Variants in TENM2 observed in about 807,000 individuals in gnomAD.
TENM2 encodes the protein teneurin-2.
TENM2 carries 52 observed loss-of-function variants against 245.2 expected under a neutral mutation model. The ratio of observed to expected loss-of-function variants is 0.21; its 90% CI spans 0.17 to 0.27. TENM2 has a LOEUF of 0.27. Ranked by LOEUF, TENM2 falls within the 10% of genes least tolerant of loss-of-function variation. The probability of loss-of-function intolerance (pLI) is 1.00; values close to 1 mark genes in which losing one functional copy is unlikely to be tolerated. For synonymous variants in TENM2, 1,363 were observed against 1,438.9 expected, an observed-to-expected ratio of 0.95 and a Z score of 1.19; for missense variants, 3,046 against 3,666.8, an observed-to-expected ratio of 0.83 and a Z score of 4.37.
intron 6 of TENM2, among the ~76,000 whole-genome samples, chr5:168,050,117 G>A (rs1388769537): frequency 1.3e-5 from 2 of 152,134 alleles, no homozygotes; most frequent in Admixed American, 6.5e-5. Context: ...CAGACAAAAT[G>A]TTTGCCAAAT....
intron 10 of TENM2, among the ~76,000 whole-genome samples, chr5:168,120,360 T>TAA: frequency 6.6e-6 from 1 of 152,308 alleles, no homozygotes; most frequent in East Asian, 1.9e-4. Context: ...TTCTTAAAGA[T>TAA]AAATGGATTG....
At chr5:168,248,660 G>A (rs982810495) in intron 27 of TENM2, among the ~76,000 whole-genome samples, 7 of 152,232 alleles carry the variant, frequency 4.6e-5, no homozygotes, top group Admixed American at 2.0e-4. Flanking sequence ...AAGAAGCGGG[G>A]AGAGAATAGG....
At chr5:167,230,257 A>G in the TENM2 span, among the ~76,000 whole-genome samples, 1 of 152,168 alleles carries the variant, frequency 6.6e-6, no homozygotes, top group Non-Finnish European at 1.5e-5. Context: ...GACTAGGATT[A>G]TAGGAGTCTG....
intron 2 of TENM2, among the ~76,000 whole-genome samples, chr5:167,510,797 G>A (rs1042911318): frequency 2.0e-4 from 30 of 152,096 alleles, no homozygotes; most frequent in African/African-American, 6.5e-4. Context: ...CACTTAAATT[G>A]CAATTGCAAT....
At chr5:167,426,816 G>T (rs1561945026) in intron 2 of TENM2, among the ~76,000 whole-genome samples, 1 of 150,784 alleles carries the variant, frequency 6.6e-6, no homozygotes, top group African/African-American at 2.4e-5. Flanking sequence ...AATTCTAGAA[G>T]AAAAAAAAAT....
intron 1 of TENM2, among the ~76,000 whole-genome samples, chr5:167,338,756 C>G (rs1757925179): frequency 1.3e-5 from 2 of 152,158 alleles, no homozygotes; most frequent in Non-Finnish European, 2.9e-5. Flanking sequence ...TATTTGTTCA[C>G]AGTTCTGGAG....
chr5:168,005,295 G>A (rs980393795), intron 5 of TENM2, among the ~76,000 whole-genome samples: 6 of 152,070 alleles, frequency 3.9e-5, no homozygotes, highest in African/African-American at 1.4e-4. Flanking sequence ...ATGACTAAGG[G>A]ATTTCTTAAA....
intron 1 of TENM2, among the ~76,000 whole-genome samples, chr5:167,291,778 C>T (rs757202361): frequency 6.6e-6 from 1 of 152,182 alleles, no homozygotes; most frequent in African/African-American, 2.4e-5. Flanking sequence ...AGACTGTAAA[C>T]ACTAACTGGC....
the TENM2 span, among the ~76,000 whole-genome samples, chr5:167,010,313 G>A: frequency 6.6e-6 from 1 of 152,172 alleles, no homozygotes; most frequent in Non-Finnish European, 1.5e-5. Flanking sequence ...AACCTGGGAG[G>A]CAGAGGTTGC....
intron 5 of TENM2, among the ~76,000 whole-genome samples, chr5:168,010,773 T>C (rs1419947958): frequency 6.6e-6 from 1 of 152,264 alleles, no homozygotes; most frequent in Admixed American, 6.5e-5. Flanking sequence ...GCAGATCTTT[T>C]ATAGTTTCCG....
intron 1 of TENM2, among the ~76,000 whole-genome samples, chr5:167,342,618 C>T (rs1346637102): frequency 6.8e-6 from 1 of 146,490 alleles, no homozygotes; most frequent in Non-Finnish European, 1.5e-5. Context: ...AGCTCCGCTT[C>T]CCGGGTTCAC....
chr5:167,031,666 G>A, the TENM2 span, among the ~76,000 whole-genome samples: 6 of 152,140 alleles, frequency 3.9e-5, no homozygotes, highest in African/African-American at 1.4e-4. Context: ...CTGGGTTCAA[G>A]CGATTCTCCT....
At chr5:168,184,659 C>T (rs1044524535) in intron 13 of TENM2, among the ~76,000 whole-genome samples, 1 of 152,202 alleles carries the variant, frequency 6.6e-6, no homozygotes, top group African/African-American at 2.4e-5. Flanking sequence ...ATTCACACAG[C>T]CTCCTCCAGG....
the TENM2 span, among the ~76,000 whole-genome samples, chr5:167,153,835 C>T: frequency 1.3e-5 from 2 of 152,074 alleles, no homozygotes; most frequent in Non-Finnish European, 2.9e-5. Flanking sequence ...ACCTTTGTCA[C>T]AATTAATGTA....
the TENM2 span, among the ~76,000 whole-genome samples, chr5:167,222,548 C>G: frequency 2.6e-5 from 4 of 152,124 alleles, no homozygotes; most frequent in Admixed American, 6.5e-5. Context: ...CATTGCCTAT[C>G]ACAGCTAATA....
Position 167,395,196 on chromosome 5 carries a change from A to G in TENM2, c.502+19723A>G, listed in dbSNP as rs142064395. On this transcript the variant is annotated intron_variant, in intron 2 of 28. Transcript: ENST00000518659. Reference sequence around the variant, plus strand: ...ATAAAAGTTTTATAGTTTTCACTGTACAAGTCGTTCACTGCCTTGAGTGAG... The same window carrying G: ...ATAAAAGTTTTATAGTTTTCACTGTGCAAGTCGTTCACTGCCTTGAGTGAG... Among the ~76,000 whole-genome samples the G allele has an allele frequency of 4.8e-3, 726 of 152,224 alleles. 8 individuals are homozygous for G. The highest frequency in any genetic ancestry group is 0.017 in the African/African-American group (693 of 41,540).
intron 8 of TENM2, among the ~76,000 whole-genome samples, chr5:168,094,652 C>G (rs932690261): frequency 6.6e-6 from 1 of 151,746 alleles, no homozygotes; most frequent in Non-Finnish European, 1.5e-5. Flanking sequence ...TTTCCTGCAA[C>G]TAGATGATCC....
At chr5:167,092,883 C>G in the TENM2 span, among the ~76,000 whole-genome samples, 2 of 152,136 alleles carry the variant, frequency 1.3e-5, no homozygotes, top group South Asian at 2.1e-4. Context: ...TCCCACAGAG[C>G]CTTTAATTCG....
the TENM2 span, among the ~76,000 whole-genome samples, chr5:167,157,006 A>T: frequency 1.3e-5 from 2 of 152,174 alleles, no homozygotes; most frequent in East Asian, 3.9e-4. Context: ...ATTTTTATGA[A>T]CCAAGCATTC....
Sources: gnomAD v4.1 joint callset for allele counts (sites outside exome capture counted in the v4.1 genomes callset) on GRCh38, gnomAD v4.1.1 for gene constraint, MANE v1.5 for transcripts, NCBI Gene and HGNC (gene_info 2026-07-23, HGNC 2026-07-21) for gene names.